ZC3H6: variants seen among roughly 807,000 people sequenced by gnomAD.
The protein encoded by ZC3H6 is zinc finger CCCH domain-containing protein 6.
In ZC3H6, 40 loss-of-function variants were observed where a neutral mutation model predicts 107.7. The observed-to-expected ratio is 0.37, with a 90% confidence interval of 0.29 to 0.48. ZC3H6 has a LOEUF of 0.48. ZC3H6 is among the 20% of genes least tolerant of loss of function. The probability of loss-of-function intolerance (pLI) is 0.98; values close to 1 mark genes in which losing one functional copy is unlikely to be tolerated. For synonymous variants in ZC3H6, 493 were observed against 487.9 expected (o/e 1.01, Z -0.14); for missense variants, 1,267 against 1,410.4 (o/e 0.90, Z 1.63).
At chr2:112,290,740 C>T (rs1358260886) in intron 1 of ZC3H6, among the ~76,000 whole-genome samples, 2 of 151,720 alleles carry the variant, frequency 1.3e-5, no homozygotes, top group African/African-American at 4.9e-5. Flanking sequence ...TGGATTTCAT[C>T]TCTGGATTAA....
chr2:112,315,995 AGT>A (rs940204388), intron 5 of ZC3H6, among the ~76,000 whole-genome samples: 4 of 152,034 alleles, frequency 2.6e-5, no homozygotes, highest in African/African-American at 9.7e-5. Flanking sequence ...AAATGTGTAG[AGT>A]GTTTCTCGTT....
At chr2:112,281,591 G>T (rs1302034539) in intron 1 of ZC3H6, among the ~76,000 whole-genome samples, 1 of 152,180 alleles carries the variant, frequency 6.6e-6, no homozygotes, top group Non-Finnish European at 1.5e-5. Context: ...GACAATGAGA[G>T]AATAGAATGA....
intron 5 of ZC3H6, among the ~76,000 whole-genome samples, chr2:112,313,617 G>T (rs1441213468): frequency 6.6e-6 from 1 of 152,144 alleles, no homozygotes; most frequent in East Asian, 1.9e-4. Flanking sequence ...GAAAAATAAA[G>T]ATAAAAATAC....
chr2:112,296,764 T>TAGCA (rs1438042241), intron 1 of ZC3H6, among the ~76,000 whole-genome samples: 1 of 152,166 alleles, frequency 6.6e-6, no homozygotes, highest in Non-Finnish European at 1.5e-5. Flanking sequence ...ATTCAGTAAA[T>TAGCA]AGCAAGGTGC....
chr2:112,307,254 T>C (rs192186137), intron 3 of ZC3H6, among the ~76,000 whole-genome samples: 170 of 152,348 alleles, frequency 1.1e-3, no homozygotes, highest in African/African-American at 3.8e-3. Flanking sequence ...AAAATTTGAA[T>C]ATACTGTTAA....
intron 3 of ZC3H6, among the ~76,000 whole-genome samples, chr2:112,308,248 G>C (rs895838752): frequency 6.6e-6 from 1 of 151,968 alleles, no homozygotes; most frequent in Non-Finnish European, 1.5e-5. Context: ...AAATATGATA[G>C]TGTTTTTAAA....
chr2:112,314,004 T>C (rs929859753), intron 5 of ZC3H6, among the ~76,000 whole-genome samples: 1 of 152,216 alleles, frequency 6.6e-6, no homozygotes, highest in Non-Finnish European at 1.5e-5. Flanking sequence ...CTATTACATT[T>C]TTTTGTAATA....
intron 1 of ZC3H6, among the ~76,000 whole-genome samples, chr2:112,289,322 C>CTTT (rs1228912169): frequency 4.6e-5 from 3 of 65,448 alleles, no homozygotes; most frequent in African/African-American, 1.0e-4. Flanking sequence ...TTTTCTTTTT[C>CTTT]TTTTTTTTTT....
At chr2:112,317,153 G>GTTGTTTCT in intron 6 of ZC3H6, 68 bp from the exon 7 acceptor site, 4 of 852,754 alleles carry the variant, frequency 4.7e-6, no homozygotes, top group Non-Finnish European at 6.9e-6. Flanking sequence ...AAATTCAGCT[G>GTTGTTTCT]TTGTTTCTTT....
intron 1 of ZC3H6, among the ~76,000 whole-genome samples, chr2:112,290,110 T>A (rs868057089): frequency 1.0e-3 from 153 of 150,876 alleles, no homozygotes; most frequent in African/African-American, 3.5e-3. Flanking sequence ...GCTATTCAAT[T>A]AAAAAAAAAA....
chr2:112,310,136 A>G lies in ZC3H6; in HGVS notation c.588A>G (p.Lys196=), dbSNP rs1676568255. The G allele has an allele frequency of 1.2e-6, 2 of 1,613,096 alleles. No homozygotes were observed. The highest frequency in any genetic ancestry group is 3.3e-5 in the Admixed American group (2 of 59,862). ...CATTTTCTAAAGAATCAGGAAAAAA[A>G]CAGAGAATGAAAGGAGTTCAGCAAG... ...GSSFSKESGK[K]QRMKGVQQGI... is the part of the protein sequence containing the mutation. Residue 196 remains lysine (K), a synonymous_variant, in exon 4 of 12, where the codon AAA becomes AAG. Transcript: ENST00000409871.
Position 112,337,214 on chromosome 2 carries a change from T to C in ZC3H6, c.*4726T>C, listed in dbSNP as rs934835615. The C allele has an allele frequency of 2.0e-5, 3 of 152,140 alleles. No homozygotes were observed. Among genetic ancestry groups the C allele is most frequent in the Admixed American group, 1.3e-4 (2 of 15,260 alleles). 9.4% of individuals were successfully genotyped at this position (152,140 alleles called of 1,614,324 possible). A position where few individuals can be genotyped will look rare whatever the true frequency, so the allele number is the denominator to read the frequency against. On this transcript the variant is annotated 3_prime_UTR_variant, in exon 12 of 12. Transcript: ENST00000409871. ...CCTCCAGACTTACAAGATTACTTCA[T>C]GGTGAAAGTTTGGATTGATCAATAA...
intron 1 of ZC3H6, among the ~76,000 whole-genome samples, chr2:112,298,752 T>C (rs1301172256): frequency 6.6e-6 from 1 of 152,206 alleles, no homozygotes; most frequent in Non-Finnish European, 1.5e-5. Context: ...CAAATTGTCG[T>C]ATGCACACCA....
intron 1 of ZC3H6, among the ~76,000 whole-genome samples, chr2:112,288,740 T>A (rs1359782848): frequency 6.6e-6 from 1 of 152,240 alleles, no homozygotes; most frequent in African/African-American, 2.4e-5. Flanking sequence ...TTAACACTCC[T>A]ATTTTAATTT....
Position 112,275,937 on chromosome 2 carries a change from CCCG to C in ZC3H6, c.-48_-46del, listed in dbSNP as rs955793937. The C allele has an allele frequency of 2.5e-5, 37 of 1,486,514 alleles. No individual in the cohort carries two copies. Among genetic ancestry groups the C allele is most frequent in the Admixed American group, 9.6e-5 (4 of 41,754 alleles). The allele number at this position is 1,486,514 out of a possible 1,614,324, so 92.1% of individuals were successfully genotyped here. A position where few individuals can be genotyped will look rare whatever the true frequency, so the allele number is the denominator to read the frequency against. Reference sequence around the variant, plus strand: ...GCGGCGCGGGGGGTCTTCCCCGCGCCCCGCCGCCGCCGGCCTCGCAGACCTGCC... The same window carrying C: ...GCGGCGCGGGGGGTCTTCCCCGCGCCCCGCCGCCGGCCTCGCAGACCTGCC... On this transcript the variant is annotated 5_prime_UTR_variant, in exon 1 of 12. Transcript: ENST00000409871.
chr2:112,291,313 A>C (rs1263134658), intron 1 of ZC3H6, among the ~76,000 whole-genome samples: 1 of 152,148 alleles, frequency 6.6e-6, no homozygotes, highest in African/African-American at 2.4e-5. Context: ...AGTTCACTGC[A>C]ATGTCTGTCT....
chr2:112,304,434 A>T, intron 3 of ZC3H6, among the ~76,000 whole-genome samples: 1 of 152,130 alleles, frequency 6.6e-6, no homozygotes, highest in East Asian at 1.9e-4. Flanking sequence ...TGAGGGCTGT[A>T]AGGGAAGGAT....
intron 2 of ZC3H6, 21 bp from the exon 3 acceptor site, chr2:112,303,208 T>G (rs1467990919): frequency 6.3e-7 from 1 of 1,592,266 alleles, no homozygotes; most frequent in East Asian, 2.2e-5. Context: ...TGTAACATAT[T>G]TGTCTTTCCC....
chr2:112,289,320 TTC>T, intron 1 of ZC3H6, among the ~76,000 whole-genome samples: 1 of 79,456 alleles, frequency 1.3e-5, no homozygotes, highest in Non-Finnish European at 2.8e-5. Flanking sequence ...TTTTTTCTTT[TTC>T]TTTTTTTTTT....
Sources: gnomAD v4.1 joint callset for allele counts (sites outside exome capture counted in the v4.1 genomes callset) on GRCh38, gnomAD v4.1.1 for gene constraint, MANE v1.5 for transcripts, NCBI Gene and HGNC (gene_info 2026-07-23, HGNC 2026-07-21) for gene names.